Variants in GPC5 observed in about 807,000 individuals in gnomAD.
The protein encoded by GPC5 is glypican-5.
A neutral mutation model predicts 53.9 loss-of-function variants in GPC5; 47 were observed. That is an observed-to-expected ratio of 0.87 (90% CI 0.69 to 1.11). The LOEUF (loss-of-function observed/expected upper bound fraction) is 1.11. Ranked by LOEUF, GPC5 falls within the 50% of genes most tolerant of loss-of-function variation. The pLI, the probability that GPC5 is intolerant of heterozygous loss-of-function variation, is 0.00. For synonymous variants in GPC5, 286 were observed against 263.3 expected, an observed-to-expected ratio of 1.09 and a Z score of -0.84; for missense variants, 748 against 713.1, an observed-to-expected ratio of 1.05 and a Z score of -0.56.
intron 5 of GPC5, among the ~76,000 whole-genome samples, chr13:91,860,571 G>T (rs376028756): frequency 1.4e-5 from 2 of 143,026 alleles, no homozygotes; most frequent in African/African-American, 5.2e-5. Flanking sequence ...GTGCATTGGC[G>T]TGACCTTGGC....
chr13:92,483,229 C>T (rs1879422788), intron 7 of GPC5, among the ~76,000 whole-genome samples: 1 of 152,146 alleles, frequency 6.6e-6, no homozygotes, highest in African/African-American at 2.4e-5. Flanking sequence ...ATGCATGTTT[C>T]TGTGATTTCA....
chr13:91,621,597 C>G (rs955183422), intron 2 of GPC5, among the ~76,000 whole-genome samples: 5 of 151,798 alleles, frequency 3.3e-5, no homozygotes, highest in Non-Finnish European at 7.4e-5. Context: ...GAGTGCCTAC[C>G]TAAGATGGAG....
chr13:91,792,570 A>T (rs1272872538), intron 5 of GPC5, among the ~76,000 whole-genome samples: 2 of 152,162 alleles, frequency 1.3e-5, no homozygotes, highest in Non-Finnish European at 2.9e-5. Flanking sequence ...TCATTTGTTG[A>T]TGGCTCATTC....
At chr13:91,933,369 AT>A (rs562097945) in intron 6 of GPC5, among the ~76,000 whole-genome samples, 5 of 151,862 alleles carry the variant, frequency 3.3e-5, no homozygotes, top group Non-Finnish European at 7.4e-5. Flanking sequence ...ATGAATACAT[AT>A]TTTTTCTCTA....
intron 2 of GPC5, among the ~76,000 whole-genome samples, chr13:91,536,256 C>T (rs1180959313): frequency 6.6e-6 from 1 of 152,072 alleles, no homozygotes; most frequent in African/African-American, 2.4e-5. Context: ...TGGAAATGAA[C>T]CAGTGGTTTT....
chr13:92,201,427 A>G (rs1257094150), intron 7 of GPC5, among the ~76,000 whole-genome samples: 1 of 152,236 alleles, frequency 6.6e-6, no homozygotes, highest in Non-Finnish European at 1.5e-5. Context: ...GTCATAGAAG[A>G]TATCTTTAAA....
chr13:92,304,431 C>A (rs1353546736), intron 7 of GPC5, among the ~76,000 whole-genome samples: 1 of 151,996 alleles, frequency 6.6e-6, no homozygotes, highest in Non-Finnish European at 1.5e-5. Flanking sequence ...GTCTCGATCT[C>A]CTGACCTTGT....
chr13:91,512,956 C>T (rs1342341924), intron 2 of GPC5, among the ~76,000 whole-genome samples: 1 of 152,082 alleles, frequency 6.6e-6, no homozygotes, highest in East Asian at 1.9e-4. Context: ...ACATCTTAAC[C>T]AGATACAGGT....
At chr13:92,698,033 A>C (rs532197110) in intron 7 of GPC5, among the ~76,000 whole-genome samples, 2 of 152,172 alleles carry the variant, frequency 1.3e-5, no homozygotes, top group African/African-American at 2.4e-5. Context: ...CCAGTCTTGC[A>C]TCCCAGGGAC....
chr13:92,083,524 G>A (rs2041312843), intron 6 of GPC5, among the ~76,000 whole-genome samples: 1 of 152,156 alleles, frequency 6.6e-6, no homozygotes, highest in African/African-American at 2.4e-5. Context: ...GTATACATAT[G>A]TAACAAACCT....
intron 6 of GPC5, among the ~76,000 whole-genome samples, chr13:91,938,975 T>C (rs2039899112): frequency 6.6e-6 from 1 of 152,090 alleles, no homozygotes; most frequent in Non-Finnish European, 1.5e-5. Flanking sequence ...CTGTGGCAAT[T>C]GAACCCTTTG....
intron 7 of GPC5, among the ~76,000 whole-genome samples, chr13:92,286,821 A>T (rs2042958757): frequency 6.6e-6 from 1 of 152,154 alleles, no homozygotes; most frequent in Non-Finnish European, 1.5e-5. Flanking sequence ...CCAACATGGC[A>T]CATGTATACA....
intron 6 of GPC5, among the ~76,000 whole-genome samples, chr13:92,050,153 T>A (rs959934975): frequency 2.0e-5 from 3 of 152,202 alleles, no homozygotes; most frequent in African/African-American, 7.2e-5. Flanking sequence ...ATTTACAATC[T>A]TTCTGATTTC....
chr13:92,767,420 G>C (rs143457726), intron 7 of GPC5, among the ~76,000 whole-genome samples: 2 of 152,120 alleles, frequency 1.3e-5, no homozygotes, highest in Non-Finnish European at 2.9e-5. Context: ...GCAGTGAGCC[G>C]GGATCGCGCC....
intron 1 of GPC5, among the ~76,000 whole-genome samples, chr13:91,400,487 C>G (rs1271549108): frequency 6.6e-6 from 1 of 152,136 alleles, no homozygotes; most frequent in Non-Finnish European, 1.5e-5. Flanking sequence ...TCTTCTATCC[C>G]CAAATAAAAT....
chr13:91,602,508 T>G (rs2033213041), intron 2 of GPC5, among the ~76,000 whole-genome samples: 1 of 152,244 alleles, frequency 6.6e-6, no homozygotes, highest in Non-Finnish European at 1.5e-5. Context: ...TTTATATTTT[T>G]GTCTTTAACC....
chr13:91,599,748 T>C (rs1191068536), intron 2 of GPC5, among the ~76,000 whole-genome samples: 2 of 152,212 alleles, frequency 1.3e-5, no homozygotes, highest in Non-Finnish European at 2.9e-5. Flanking sequence ...TATGTGCTCA[T>C]TCATGAAAAC....
intron 4 of GPC5, among the ~76,000 whole-genome samples, chr13:91,743,040 C>T (rs342717): frequency 6.6e-6 from 1 of 151,920 alleles, no homozygotes; most frequent in Non-Finnish European, 1.5e-5. Flanking sequence ...TTACCGTGGG[C>T]CTATCTCACT....
At chr13:92,604,153 A>G (rs1005238837) in intron 7 of GPC5, among the ~76,000 whole-genome samples, 3 of 152,184 alleles carry the variant, frequency 2.0e-5, no homozygotes, top group Non-Finnish European at 4.4e-5. Flanking sequence ...ATTAGTTTTC[A>G]ATGTAAATCA....
Sources: allele counts gnomAD v4.1 joint callset (sites outside exome capture counted in the v4.1 genomes callset), GRCh38; gene constraint gnomAD v4.1.1; transcripts MANE v1.5; gene names NCBI Gene and HGNC (gene_info 2026-07-23, HGNC 2026-07-21).